Variants in JPH2 observed in about 807,000 individuals in gnomAD.
The protein encoded by JPH2 is junctophilin-2.
JPH2 carries 38 observed loss-of-function variants against 55.9 expected under a neutral mutation model. The observed-to-expected ratio is 0.68, with a 90% CI of 0.52 to 0.89. JPH2 has a LOEUF of 0.89. JPH2 is among the 40% of genes least tolerant of loss of function. The pLI, the probability that JPH2 is intolerant of heterozygous loss-of-function variation, is 0.00. For synonymous variants in JPH2, 480 were observed against 472.4 expected (o/e 1.02, Z -0.21); for missense variants, 964 against 1,037.6 (o/e 0.93, Z 0.97).
chr20:44,175,528 G>A (rs1468952605), intron 1 of JPH2, among the ~76,000 whole-genome samples: 1 of 152,236 alleles, frequency 6.6e-6, no homozygotes, highest in African/African-American at 2.4e-5. Context: ...AATCTCCATA[G>A]TCTCTGGTTT....
chr20:44,142,909 C>G, intron 2 of JPH2, among the ~76,000 whole-genome samples: 1 of 152,124 alleles, frequency 6.6e-6, no homozygotes, highest in East Asian at 1.9e-4. Flanking sequence ...AACCAGGCTT[C>G]CTGGGTCACA....
At chr20:44,149,626 C>T (rs1374088445) in intron 2 of JPH2, among the ~76,000 whole-genome samples, 1 of 152,250 alleles carries the variant, frequency 6.6e-6, no homozygotes, top group African/African-American at 2.4e-5. Flanking sequence ...TGCCCTCTTC[C>T]CCCCAACCCC....
chr20:44,107,439 C>A lies in JPH2; in HGVS notation c.*6079G>T, dbSNP rs1298344766. On this transcript the variant is annotated 3_prime_UTR_variant, in exon 6 of 6. Transcript: ENST00000372980. ...CTAGTTGAGGCCAAACAACTGAGCT[C>A]TGGCTAGTGGAATATGAGCAGAAGT... Among the ~76,000 whole-genome samples, 3 of 152,216 alleles carry A rather than the reference C, an allele frequency of 2.0e-5. No individual in the cohort carries two copies. Among genetic ancestry groups the A allele is most frequent in the Non-Finnish European group, 4.4e-5 (3 of 68,042 alleles).
In JPH2 at chr20:44,108,796, C is replaced by G. The variant is rs185438221; in HGVS notation, c.*4722G>C. On this transcript the variant is annotated 3_prime_UTR_variant, in exon 6 of 6. Coordinates refer to ENST00000372980, the MANE Select transcript of JPH2 (RefSeq NM_020433.5). ...CAGTTGGTCTGTGGACAAAATATGACTCCCCGCTCAGTCCAGGCTCTGTCA... is the reference window on the plus strand; with the variant it reads ...CAGTTGGTCTGTGGACAAAATATGAGTCCCCGCTCAGTCCAGGCTCTGTCA... 8.1e-4 allele frequency among the ~76,000 whole-genome samples: 124 copies of G among 152,226 alleles called. No homozygotes were observed. Among genetic ancestry groups the G allele is most frequent in the Middle Eastern group, 3.4e-3 (1 of 294 alleles).
chr20:44,119,734 C>T (rs959694790), intron 2 of JPH2, among the ~76,000 whole-genome samples: 2 of 151,956 alleles, frequency 1.3e-5, no homozygotes, highest in African/African-American at 4.8e-5. Context: ...ATTAGCCGGG[C>T]ATGGTGGCGG....
intron 1 of JPH2, chr20:44,177,366 T>C: frequency 1.0e-6 from 1 of 987,526 alleles, no homozygotes; most frequent in Non-Finnish European, 1.2e-6. Flanking sequence ...GGCACGGAAT[T>C]AGCAGGTCCC....
intron 1 of JPH2, among the ~76,000 whole-genome samples, chr20:44,172,549 G>T (rs1467886321): frequency 6.6e-6 from 1 of 152,216 alleles, no homozygotes; most frequent in Non-Finnish European, 1.5e-5. Context: ...CTGGAGTGCA[G>T]TGGCACAATC....
At chr20:44,182,788 G>T (rs1007036974) in intron 1 of JPH2, among the ~76,000 whole-genome samples, 3 of 152,160 alleles carry the variant, frequency 2.0e-5, no homozygotes, top group Non-Finnish European at 4.4e-5. Context: ...TTTTTCCACT[G>T]GACAGGGAGC....
rs1569177550 is a variant in JPH2, at chr20:44,111,332, C to T, written c.*2186G>A. On this transcript the variant is annotated 3_prime_UTR_variant, in exon 6 of 6. Coordinates refer to ENST00000372980, the MANE Select transcript of JPH2 (RefSeq NM_020433.5). ...GCCTCAACATCTAATGTAATCCTCA[C>T]TACCAGGAGGTAGGCTCTGTAATTA... Among the ~76,000 whole-genome samples the T allele has an allele frequency of 6.6e-6, 1 of 152,200 alleles. No individual in the cohort carries two copies. Among genetic ancestry groups the T allele is most frequent in the Non-Finnish European group, 1.5e-5 (1 of 68,036 alleles).
rs552985309 is a variant in JPH2, at chr20:44,123,595, G to A, written c.1170-4972C>T. On this transcript the variant is annotated intron_variant, in intron 2 of 5. Coordinates refer to ENST00000372980, the MANE Select transcript of JPH2 (RefSeq NM_020433.5). ...TGGATGGGGTATACCAGCAGCTCAC[G>A]GGGTGAAGGGCAGGCGGAATGACTG... Among the ~76,000 whole-genome samples, 69 of 152,266 alleles carry A rather than the reference G, an allele frequency of 4.5e-4. No homozygotes were observed. In the South Asian group the frequency reaches 7.2e-3, roughly 16 times the overall value.
chr20:44,162,093 T>A (rs956048993), intron 1 of JPH2, among the ~76,000 whole-genome samples: 1 of 152,198 alleles, frequency 6.6e-6, no homozygotes, highest in African/African-American at 2.4e-5. Context: ...CGGTACCTGA[T>A]ACATAACGTT....
At chr20:44,120,281 G>A (rs2145841850) in intron 2 of JPH2, among the ~76,000 whole-genome samples, 1 of 152,248 alleles carries the variant, frequency 6.6e-6, no homozygotes, top group South Asian at 2.1e-4. Flanking sequence ...ATGGAGCAAA[G>A]CCCCTTCCCA....
At chr20:44,147,311 G>C (rs1426175741) in intron 2 of JPH2, among the ~76,000 whole-genome samples, 2 of 152,154 alleles carry the variant, frequency 1.3e-5, no homozygotes, top group African/African-American at 4.8e-5. Flanking sequence ...TGTTCACTGC[G>C]GCCTCACTGG....
chr20:44,131,006 C>T (rs1184490015), intron 2 of JPH2, among the ~76,000 whole-genome samples: 2 of 152,202 alleles, frequency 1.3e-5, no homozygotes, highest in East Asian at 3.8e-4. Context: ...ATTAGTCCCT[C>T]TGTGCATTGG....
intron 1 of JPH2, among the ~76,000 whole-genome samples, chr20:44,176,318 CTTTTTT>C (rs58088590): frequency 1.4e-4 from 16 of 113,650 alleles, no homozygotes; most frequent in Non-Finnish European, 2.6e-4. Context: ...TCCTATCTGT[CTTTTTT>C]TTTTTTTTTT....
chr20:44,122,371 C>A (rs2072243561), intron 2 of JPH2, among the ~76,000 whole-genome samples: 1 of 152,194 alleles, frequency 6.6e-6, no homozygotes, highest in African/African-American at 2.4e-5. Flanking sequence ...ATGACCGAGG[C>A]ACTCGCCTCA....
chr20:44,186,861 A>G lies in JPH2; in HGVS notation c.-156T>C. On this transcript the variant is annotated 5_prime_UTR_variant, in exon 1 of 6. Coordinates refer to ENST00000372980, the MANE Select transcript of JPH2 (RefSeq NM_020433.5). ...AAGCAGGATGCCAGCAGAGGCTGAA[A>G]GAGCCCCGGCGCCAAGTCAGCACCG... 1 of 744,400 alleles carries G rather than the reference A, an allele frequency of 1.3e-6. No homozygotes were observed. Among genetic ancestry groups the G allele is most frequent in the Non-Finnish European group, 2.2e-6 (1 of 461,800 alleles). 46.1% of individuals were successfully genotyped at this position (744,400 alleles called of 1,614,324 possible). A position where few individuals can be genotyped will look rare whatever the true frequency, so the allele number is the denominator to read the frequency against.
chr20:44,177,320 G>A (rs1234509002), intron 1 of JPH2: 4 of 986,614 alleles, frequency 4.1e-6, no homozygotes, highest in South Asian at 4.7e-5. Context: ...TCATGAGGGT[G>A]TGGAGGGCAG....
intron 2 of JPH2, among the ~76,000 whole-genome samples, chr20:44,138,459 G>C (rs1213722954): frequency 2.0e-5 from 3 of 152,094 alleles, no homozygotes; most frequent in African/African-American, 4.8e-5. Flanking sequence ...GCTCCCTGAA[G>C]CCTCAACTTC....
Sources: gnomAD v4.1 joint callset for allele counts (sites outside exome capture counted in the v4.1 genomes callset) on GRCh38, gnomAD v4.1.1 for gene constraint, MANE v1.5 for transcripts, NCBI Gene and HGNC (gene_info 2026-07-23, HGNC 2026-07-21) for gene names.